Variants in MMP12 observed in about 807,000 individuals in gnomAD.
The protein encoded by MMP12 is matrix metallopeptidase 12.
In MMP12, 51 loss-of-function variants were observed where a neutral mutation model predicts 45.2. The ratio of observed to expected loss-of-function variants is 1.13; its 90% CI spans 0.90 to 1.42. The LOEUF (loss-of-function observed/expected upper bound fraction) is 1.42. MMP12 is among the 40% of genes most tolerant of loss of function. MMP12 has a pLI of 0.00. For synonymous variants in MMP12, 210 were observed against 193.3 expected (o/e 1.09, Z -0.72); for missense variants, 530 against 570.8 (o/e 0.93, Z 0.73).
At chr11:102,874,381 A>G (rs1209237614) in intron 1 of MMP12, among the ~76,000 whole-genome samples, 2 of 152,216 alleles carry the variant, frequency 1.3e-5, no homozygotes, top group African/African-American at 4.8e-5. Context: ...CCCCATCTCC[A>G]TAAAAAAGAA....
chr11:102,864,413 C>A (rs749933142), intron 8 of MMP12, among the ~76,000 whole-genome samples, 161 bp from the exon 9 acceptor site: 1 of 152,202 alleles, frequency 6.6e-6, no homozygotes, highest in Non-Finnish European at 1.5e-5. Context: ...TCCTCTGAGT[C>A]CCTATAGGAC....
intron 4 of MMP12, among the ~76,000 whole-genome samples, chr11:102,869,054 G>A (rs1211896276): frequency 6.6e-6 from 1 of 152,174 alleles, no homozygotes; most frequent in Admixed American, 6.5e-5. Flanking sequence ...TTGTAGGTAA[G>A]AGAAGAGAGA....
rs201585782 is a variant in MMP12, at chr11:102,862,921, A to G, written c.*179T>C. ...ATAGTAGAGTCAAGCAAGAATGGAC[A>G]ATTAGAGTTTTCAAAATTGAAAAAT... On this transcript the variant is annotated 3_prime_UTR_variant, in exon 10 of 10. Transcript: ENST00000571244. 1 of 427,260 alleles carries G rather than the reference A, an allele frequency of 2.3e-6. No homozygotes were observed. Among genetic ancestry groups the G allele is most frequent in the Non-Finnish European group, 4.1e-6 (1 of 244,852 alleles). 26.5% of individuals were successfully genotyped at this position (427,260 alleles called of 1,614,324 possible). A position where few individuals can be genotyped will look rare whatever the true frequency, so the allele number is the denominator to read the frequency against.
At chr11:102,872,792 T>A in intron 2 of MMP12, 73 bp downstream of exon 2, 1 of 1,531,632 alleles carries the variant, frequency 6.5e-7, no homozygotes, top group Non-Finnish European at 8.8e-7. Flanking sequence ...TTTAGGGCTG[T>A]CTAACTGGTT....
chr11:102,871,603 G>A lies in MMP12; in HGVS notation c.616C>T (p.His206Tyr), dbSNP rs1859496722. ...HFDEDEFWTT[H>Y]SGGTNLFLTA... ...TGTTTGTTTTGCCCACCTCCTGAAT[G>A]TGTAGTCCAGAATTCGTCCTCATCG... Residue 206 changes from histidine to tyrosine, a missense_variant, in exon 4 of 10, where the codon CAT becomes TAT. By Grantham distance (83) the His-to-Tyr change is moderately conservative. Coordinates refer to ENST00000571244, the MANE Select transcript of MMP12 (RefSeq NM_002426.6). 1 of 1,554,078 alleles carries A rather than the reference G, an allele frequency of 6.4e-7. No individual in the cohort carries two copies. Among genetic ancestry groups the A allele is most frequent in the Non-Finnish European group, 8.7e-7 (1 of 1,148,050 alleles).
At chr11:102,873,513 T>A (rs1361689800) in intron 1 of MMP12, among the ~76,000 whole-genome samples, 1 of 151,886 alleles carries the variant, frequency 6.6e-6, no homozygotes, top group Admixed American at 6.6e-5. Flanking sequence ...GGTGAGAGGA[T>A]CACTTGAGCT....
intron 9 of MMP12, among the ~76,000 whole-genome samples, chr11:102,863,857 T>C (rs1555008144): frequency 1.3e-5 from 2 of 152,204 alleles, no homozygotes; most frequent in Admixed American, 6.5e-5. Flanking sequence ...ACTGTGTGGC[T>C]GATGTGGTAA....
chr11:102,872,120 G>C (rs1332522748), intron 2 of MMP12, among the ~76,000 whole-genome samples, 168 bp from the exon 3 acceptor site: 11 of 152,122 alleles, frequency 7.2e-5, no homozygotes, highest in African/African-American at 2.2e-4. Flanking sequence ...TTCTTGGACA[G>C]CCTCCTCCTT....
intron 4 of MMP12, among the ~76,000 whole-genome samples, chr11:102,869,337 C>A (rs1365853104): frequency 6.6e-6 from 1 of 152,028 alleles, no homozygotes; most frequent in Non-Finnish European, 1.5e-5. Flanking sequence ...GGTCCAGTAA[C>A]CTTCCCAGCA....
chr11:102,869,226 G>T (rs967848861), intron 4 of MMP12, among the ~76,000 whole-genome samples: 1 of 152,042 alleles, frequency 6.6e-6, no homozygotes, highest in African/African-American at 2.4e-5. Context: ...TCACTTAGCT[G>T]CAGAGCCTGG....
chr11:102,871,176 G>A (rs988367617), intron 4 of MMP12, among the ~76,000 whole-genome samples: 2 of 152,010 alleles, frequency 1.3e-5, no homozygotes, highest in Admixed American at 6.6e-5. Flanking sequence ...GCTGTAGTAA[G>A]TTAGCATCAT....
intron 4 of MMP12, among the ~76,000 whole-genome samples, chr11:102,871,111 T>A (rs549493119): frequency 2.6e-5 from 4 of 152,186 alleles, no homozygotes; most frequent in African/African-American, 9.6e-5. Context: ...ACACCTGTGG[T>A]CCTAGCTACT....
At chr11:102,868,748 T>C (rs1460526312) in intron 4 of MMP12, among the ~76,000 whole-genome samples, 8 of 152,184 alleles carry the variant, frequency 5.3e-5, no homozygotes, top group African/African-American at 1.9e-4. Context: ...AAGATTAATG[T>C]TTCTGCTTTT....
chr11:102,872,924 GAC>G lies in MMP12; in HGVS notation c.289_290del (p.Val97ProfsTer23), dbSNP rs1859527530. ...MHAPRCGVPD[V>X]HHFREMPGGP... is the part of the protein sequence containing the mutation. ...CCCCTGGCATTTCCCTGAAATGATG[GAC>G]ATCGGGGACTCCACATCGAGGTGCG... On this transcript the variant is annotated frameshift_variant, in exon 2 of 10. Transcript: ENST00000571244. LOFTEE classifies it high-confidence loss of function. 5.0e-6 allele frequency: 8 copies of G among 1,613,780 alleles called. No individual in the cohort carries two copies. Among genetic ancestry groups the G allele is most frequent in the Non-Finnish European group, 6.8e-6 (8 of 1,179,828 alleles).
At chr11:102,866,491 A>G (rs200359769) in intron 6 of MMP12, 43 bp from the exon 7 acceptor site, 2 of 1,594,160 alleles carry the variant, frequency 1.3e-6, no homozygotes, top group Admixed American at 1.8e-5. Flanking sequence ...GACAATGTAG[A>G]CTCAAGAACC....
At position 102,871,717 on chromosome 11, in the gene MMP12, G is replaced by A. The variant is rs200263416; in HGVS notation, c.502C>T (p.His168Tyr). Residue 168 changes from histidine (H) to tyrosine (Y), a missense_variant and splice_region_variant, in exon 4 of 10, where the codon CAT becomes TAT. His to Tyr is a moderately conservative substitution (Grantham distance 83). Transcript: ENST00000571244. ...DILVVFARGA[H>Y]GDFHAFDGKG... is the part of the protein sequence containing the mutation. The stretch of plus-strand genomic sequence containing the variant: ...CCATCAAAAGCATGGAAGTCTCCAT[G>A]AGCTTTTGGAAAAGGAAAGAAAATT... The A allele has an allele frequency of 6.2e-7, 1 of 1,611,706 alleles. No individual in the cohort carries two copies. The highest frequency in any genetic ancestry group is 8.5e-7 in the Non-Finnish European group (1 of 1,178,832).
At chr11:102,864,946 T>C (rs1431374340) in intron 8 of MMP12, among the ~76,000 whole-genome samples, 1 of 152,210 alleles carries the variant, frequency 6.6e-6, no homozygotes, top group African/African-American at 2.4e-5. Flanking sequence ...ACAGAAACAC[T>C]GTTCAGAGTT....
intron 2 of MMP12, 34 bp downstream of exon 2, chr11:102,872,831 T>C (rs199505556): frequency 2.5e-5 from 40 of 1,606,014 alleles, no homozygotes; most frequent in Non-Finnish European, 3.1e-5. Context: ...TATGGGAAAG[T>C]AGAAAAATAC....
chr11:102,871,910 G>A lies in MMP12; in HGVS notation c.393C>T (p.Asp131=). The change falls in exon 3 of 10, where the codon GAC becomes GAT. Residue 131 remains aspartate (D), a synonymous_variant. Coordinates refer to ENST00000571244, the MANE Select transcript of MMP12 (RefSeq NM_002426.6). ...CTTGGAAAGCTTTCCGGATTGCGTA[G>A]TCAACATCCTCACGGTTCATGTCAG... The part of the protein sequence containing the change: ...YTPDMNREDV[D]YAIRKAFQVW... 1 of 1,613,528 alleles carries A rather than the reference G, an allele frequency of 6.2e-7. No individual in the cohort carries two copies. The highest frequency in any genetic ancestry group is 1.1e-5 in the South Asian group (1 of 90,930).
Sources: gnomAD v4.1 joint callset for allele counts (sites outside exome capture counted in the v4.1 genomes callset) on GRCh38, gnomAD v4.1.1 for gene constraint, MANE v1.5 for transcripts, NCBI Gene and HGNC (gene_info 2026-07-23, HGNC 2026-07-21) for gene names.